Variants in L3MBTL4 observed in about 807,000 individuals in gnomAD.
L3MBTL4 encodes the protein L3MBTL histone methyl-lysine binding protein 4, also known as lethal(3)malignant brain tumor-like protein 4.
Under a neutral mutation model 84.5 loss-of-function variants are expected in L3MBTL4, and 70 were observed. That is an observed-to-expected ratio of 0.83 (90% CI 0.68 to 1.01). The LOEUF (loss-of-function observed/expected upper bound fraction) is 1.01. Among genes scored for constraint, L3MBTL4 ranks in the 50% least tolerant of loss-of-function variants. The pLI is 0.00. For missense variants in L3MBTL4, 715 were observed against 754.8 expected, an observed-to-expected ratio of 0.95 and a Z score of 0.62; for synonymous variants, 274 against 259.8, an observed-to-expected ratio of 1.05 and a Z score of -0.52.
At chr18:6,156,349 G>C (rs1414272709) in intron 13 of L3MBTL4, among the ~76,000 whole-genome samples, 3 of 149,538 alleles carry the variant, frequency 2.0e-5, no homozygotes, top group Non-Finnish European at 4.4e-5. Flanking sequence ...TAGTACATTA[G>C]AGATACCAAA....
At chr18:6,303,353 T>C (rs1174894293) in intron 3 of L3MBTL4, among the ~76,000 whole-genome samples, 1 of 152,074 alleles carries the variant, frequency 6.6e-6, no homozygotes, top group Non-Finnish European at 1.5e-5. Flanking sequence ...ACTCCTGACC[T>C]CAAGTGATCT....
chr18:6,353,944 T>C (rs2053318399), intron 1 of L3MBTL4, among the ~76,000 whole-genome samples: 1 of 152,046 alleles, frequency 6.6e-6, no homozygotes, highest in Non-Finnish European at 1.5e-5. Context: ...CTAAAATTTA[T>C]ATGGAAGCAC....
chr18:6,045,784 A>C (rs958478017), intron 16 of L3MBTL4, among the ~76,000 whole-genome samples: 9 of 152,338 alleles, frequency 5.9e-5, no homozygotes, highest in African/African-American at 1.9e-4. Flanking sequence ...ACAAAAACAC[A>C]GTTATGTACA....
At chr18:6,262,001 C>T (rs985264904) in intron 5 of L3MBTL4, among the ~76,000 whole-genome samples, 1 of 152,134 alleles carries the variant, frequency 6.6e-6, no homozygotes, top group African/African-American at 2.4e-5. Flanking sequence ...AGGACCCTTG[C>T]CCTGGGACCC....
chr18:6,211,887 G>T (rs1367290696), intron 12 of L3MBTL4, among the ~76,000 whole-genome samples: 1 of 152,160 alleles, frequency 6.6e-6, no homozygotes, highest in African/African-American at 2.4e-5. Context: ...GACCTCAGGT[G>T]ATACGCCCGC....
chr18:5,965,294 C>A (rs189123332), intron 17 of L3MBTL4, among the ~76,000 whole-genome samples: 46 of 152,350 alleles, frequency 3.0e-4, no homozygotes, highest in African/African-American at 1.1e-3. Context: ...AGGCCCTGCG[C>A]TAGCCTCTCT....
At chr18:6,209,171 C>A (rs1338553398) in intron 12 of L3MBTL4, among the ~76,000 whole-genome samples, 1 of 152,144 alleles carries the variant, frequency 6.6e-6, no homozygotes, top group Non-Finnish European at 1.5e-5. Flanking sequence ...ATCCCAACTG[C>A]ACAGCAAAAA....
At chr18:6,100,370 T>G (rs960552140) in intron 14 of L3MBTL4, among the ~76,000 whole-genome samples, 1 of 152,236 alleles carries the variant, frequency 6.6e-6, no homozygotes, top group African/African-American at 2.4e-5. Flanking sequence ...TATTTTCCAT[T>G]TCTTTGGTAA....
intron 1 of L3MBTL4, among the ~76,000 whole-genome samples, chr18:6,362,794 A>C (rs1438253241): frequency 2.0e-5 from 3 of 152,248 alleles, no homozygotes; most frequent in Non-Finnish European, 2.9e-5. Context: ...TGGGAAGAGA[A>C]AGCAATAAAA....
At chr18:6,154,820 C>T (rs1266104194) in intron 13 of L3MBTL4, among the ~76,000 whole-genome samples, 1 of 152,124 alleles carries the variant, frequency 6.6e-6, no homozygotes, top group Non-Finnish European at 1.5e-5. Flanking sequence ...AAAGAATTTT[C>T]CTTGGCTGTC....
At chr18:6,304,027 A>C (rs2050466756) in intron 3 of L3MBTL4, among the ~76,000 whole-genome samples, 2 of 144,538 alleles carry the variant, frequency 1.4e-5, no homozygotes, top group South Asian at 2.2e-4. Context: ...AAAAAAAAAA[A>C]AACAAAAAAA....
At chr18:6,304,170 C>CT (rs879681081) in intron 3 of L3MBTL4, among the ~76,000 whole-genome samples, 5 of 151,880 alleles carry the variant, frequency 3.3e-5, no homozygotes, top group Non-Finnish European at 7.4e-5. Flanking sequence ...ATTTTCCTAC[C>CT]TTTTTTTAGT....
chr18:6,324,665 G>A (rs1438937613), intron 1 of L3MBTL4, among the ~76,000 whole-genome samples: 1 of 152,142 alleles, frequency 6.6e-6, no homozygotes, highest in East Asian at 1.9e-4. Flanking sequence ...CCTTTAGAGT[G>A]GGCCCCCAGA....
chr18:6,091,883 CTA>C (rs2058470960), intron 15 of L3MBTL4, among the ~76,000 whole-genome samples: 1 of 152,034 alleles, frequency 6.6e-6, no homozygotes, highest in African/African-American at 2.4e-5. Context: ...GTACTGGTCT[CTA>C]TGATTCTGGA....
At chr18:6,098,711 C>T (rs1388583146) in intron 14 of L3MBTL4, among the ~76,000 whole-genome samples, 1 of 152,190 alleles carries the variant, frequency 6.6e-6, no homozygotes, top group Non-Finnish European at 1.5e-5. Flanking sequence ...CTAACTCACC[C>T]CTCATGAAGC....
intron 16 of L3MBTL4, among the ~76,000 whole-genome samples, chr18:6,055,807 C>T (rs568583938): frequency 5.2e-4 from 79 of 152,236 alleles, no homozygotes; most frequent in African/African-American, 1.9e-3. Flanking sequence ...TTCTCAGACC[C>T]CCAGGGAAGG....
At chr18:6,277,859 C>A (rs2049156585) in intron 4 of L3MBTL4, among the ~76,000 whole-genome samples, 1 of 151,994 alleles carries the variant, frequency 6.6e-6, no homozygotes, top group Non-Finnish European at 1.5e-5. Context: ...CTTCAACATT[C>A]TTGTATTAAT....
At chr18:6,405,312 C>T (rs1223325627) in intron 1 of L3MBTL4, among the ~76,000 whole-genome samples, 2 of 152,206 alleles carry the variant, frequency 1.3e-5, no homozygotes, top group African/African-American at 4.8e-5. Context: ...TTCCTTCCCT[C>T]CATAACACAT....
intron 5 of L3MBTL4, among the ~76,000 whole-genome samples, chr18:6,252,807 C>A (rs928073412): frequency 3.9e-5 from 6 of 152,196 alleles, no homozygotes; most frequent in Non-Finnish European, 5.9e-5. Context: ...AGAAAGGTGG[C>A]AAGACTAGAA....
Sources: gnomAD v4.1 joint callset for allele counts (sites outside exome capture counted in the v4.1 genomes callset) on GRCh38, gnomAD v4.1.1 for gene constraint, MANE v1.5 for transcripts, NCBI Gene and HGNC (gene_info 2026-07-23, HGNC 2026-07-21) for gene names.